The following RPS6KA2 variants were observed in gnomAD, a reference collection of about 807,000 sequenced individuals.
RPS6KA2 encodes the protein ribosomal protein S6 kinase alpha-2.
Under a neutral mutation model 91.8 loss-of-function variants are expected in RPS6KA2, and 42 were observed. That is an observed-to-expected ratio of 0.46 (90% confidence interval 0.36 to 0.59). The LOEUF is 0.59. Among genes scored for constraint, RPS6KA2 ranks in the 20% least tolerant of loss-of-function variants. RPS6KA2 has a pLI of 0.00. For missense variants in RPS6KA2, 798 were observed against 978.5 expected, an observed-to-expected ratio of 0.82 and a Z score of 2.46; for synonymous variants, 414 against 393.6, an observed-to-expected ratio of 1.05 and a Z score of -0.61.
intron 2 of RPS6KA2, among the ~76,000 whole-genome samples, chr6:166,808,938 G>C (rs1779563637): frequency 2.0e-5 from 3 of 152,206 alleles, no homozygotes; most frequent in Admixed American, 6.5e-5. Context: ...AGGGTACAGA[G>C]GCGAGACTTG....
At chr6:166,816,101 AG>A (rs1424405521) in intron 2 of RPS6KA2, among the ~76,000 whole-genome samples, 1 of 152,228 alleles carries the variant, frequency 6.6e-6, no homozygotes, top group African/African-American at 2.4e-5. Context: ...TCTAAAAAGC[AG>A]GTAAGATTAG....
intron 12 of RPS6KA2, among the ~76,000 whole-genome samples, chr6:166,458,103 AC>A (rs1310871794): frequency 6.6e-6 from 1 of 152,058 alleles, no homozygotes; most frequent in Non-Finnish European, 1.5e-5. Context: ...TTAAGGCCCT[AC>A]CCCCAAGTGT....
intron 2 of RPS6KA2, among the ~76,000 whole-genome samples, chr6:166,781,248 AC>A (rs1778761940): frequency 6.6e-6 from 1 of 152,236 alleles, no homozygotes. Context: ...TCACAAAGGA[AC>A]TAGGAACCGC....
intron 2 of RPS6KA2, among the ~76,000 whole-genome samples, chr6:166,775,776 G>A (rs891055646): frequency 7.9e-5 from 12 of 152,370 alleles, no homozygotes; most frequent in African/African-American, 2.6e-4. Context: ...GACACATGAC[G>A]ATGCTGTCGA....
chr6:166,599,955 A>G (rs754110368), intron 1 of RPS6KA2, among the ~76,000 whole-genome samples: 9 of 152,076 alleles, frequency 5.9e-5, no homozygotes, highest in Non-Finnish European at 1.0e-4. Flanking sequence ...GATCCAAGGG[A>G]CACCCAGCCT....
At chr6:166,814,840 C>T (rs2037902) in intron 2 of RPS6KA2, among the ~76,000 whole-genome samples, 94,102 of 152,070 alleles carry the variant, frequency 0.62, 30,746 homozygotes, top group Non-Finnish European at 0.74. Flanking sequence ...AAGCTCAGGG[C>T]TCACATTGAT....
chr6:166,855,073 T>C (rs1203582022), intron 2 of RPS6KA2, among the ~76,000 whole-genome samples: 2 of 152,202 alleles, frequency 1.3e-5, no homozygotes, highest in African/African-American at 4.8e-5. Context: ...GCCATTATCC[T>C]AAGTGAAGTA....
chr6:166,436,538 C>G (rs1779313817), intron 14 of RPS6KA2, among the ~76,000 whole-genome samples: 1 of 152,208 alleles, frequency 6.6e-6, no homozygotes, highest in African/African-American at 2.4e-5. Context: ...GAGGTGCGCC[C>G]TGACAGGGGC....
At chr6:166,440,520 GTTAT>G (rs1779485844) in intron 14 of RPS6KA2, among the ~76,000 whole-genome samples, 1 of 152,190 alleles carries the variant, frequency 6.6e-6, no homozygotes, top group Non-Finnish European at 1.5e-5. Flanking sequence ...TGTTACTGGA[GTTAT>G]TTCTAAACAG....
chr6:166,687,618 T>C (rs933066761), intron 2 of RPS6KA2, among the ~76,000 whole-genome samples: 3 of 152,272 alleles, frequency 2.0e-5, no homozygotes, highest in Admixed American at 1.3e-4. Flanking sequence ...GATGGTTTAC[T>C]GAATTATTTG....
intron 14 of RPS6KA2, among the ~76,000 whole-genome samples, chr6:166,436,215 T>C (rs1223769612): frequency 6.6e-6 from 1 of 152,098 alleles, no homozygotes; most frequent in Non-Finnish European, 1.5e-5. Context: ...GAAATGCTGC[T>C]TTCGGTCCTG....
Position 166,702,621 on chromosome 6 carries a change from C to T in RPS6KA2, c.123+155579G>A, listed in dbSNP as rs1408974322. Reference sequence around the variant, plus strand: ...TCCGAATCCTTTGCCTTTTTGGGACCGAGTGCTCAACTTCTATGGGTTTCC... The same window carrying T: ...TCCGAATCCTTTGCCTTTTTGGGACTGAGTGCTCAACTTCTATGGGTTTCC... On this transcript the variant is annotated intron_variant, in intron 2 of 21. Coordinates refer to the RPS6KA2 transcript ENST00000503859. The T allele has an allele frequency of 3.2e-6, 5 of 1,571,942 alleles. No homozygotes were observed. In the Admixed American group the frequency reaches 6.7e-5, roughly 21 times the overall value.
intron 2 of RPS6KA2, among the ~76,000 whole-genome samples, chr6:166,759,830 C>T (rs1778118239): frequency 6.6e-6 from 1 of 152,226 alleles, no homozygotes; most frequent in Non-Finnish European, 1.5e-5. Flanking sequence ...GAGTCCGTAT[C>T]CTCGCCCAGC....
chr6:166,544,394 G>A (rs765424908), intron 1 of RPS6KA2, among the ~76,000 whole-genome samples: 32 of 152,146 alleles, frequency 2.1e-4, no homozygotes, highest in Non-Finnish European at 3.8e-4. Flanking sequence ...CTCCATCTGC[G>A]GCACGACTCC....
chr6:166,597,680 GC>G lies in RPS6KA2; in HGVS notation c.99+29240del, dbSNP rs530864838. Reference sequence around the variant, plus strand: ...CAGCTCTAATAGACACTGTAGGCAAGCCAAAATTTTCATGAATTTTTCATGG... The same window carrying G: ...CAGCTCTAATAGACACTGTAGGCAAGCAAAATTTTCATGAATTTTTCATGG... On this transcript the variant is annotated intron_variant, in intron 1 of 20. Transcript: ENST00000265678. Among the ~76,000 whole-genome samples the G allele has an allele frequency of 1.9e-3, 287 of 152,338 alleles. 1 individual carries two copies. Among genetic ancestry groups the G allele is most frequent in the Admixed American group, 3.5e-3 (53 of 15,302 alleles).
intron 2 of RPS6KA2, among the ~76,000 whole-genome samples, chr6:166,757,073 TA>T (rs999261188): frequency 3.3e-5 from 5 of 151,798 alleles, no homozygotes; most frequent in Non-Finnish European, 5.9e-5. Context: ...CACCATCACA[TA>T]AAAAAAAGCA....
chr6:166,784,835 T>A (rs2128611969), intron 2 of RPS6KA2, among the ~76,000 whole-genome samples: 1 of 152,196 alleles, frequency 6.6e-6, no homozygotes, highest in African/African-American at 2.4e-5. Flanking sequence ...GGAAGCATTC[T>A]ACCGAGTAAA....
At chr6:166,762,061 C>G (rs561943872) in intron 2 of RPS6KA2, among the ~76,000 whole-genome samples, 1 of 152,178 alleles carries the variant, frequency 6.6e-6, no homozygotes, top group Non-Finnish European at 1.5e-5. Flanking sequence ...GGCTCTATCA[C>G]GTGGAGGCCC....
At chr6:166,568,955 C>A (rs1554291731) in intron 1 of RPS6KA2, among the ~76,000 whole-genome samples, 1 of 152,032 alleles carries the variant, frequency 6.6e-6, no homozygotes, top group Non-Finnish European at 1.5e-5. Context: ...TGAACAAGTA[C>A]TTTTTTTTCC....
Sources: allele counts gnomAD v4.1 joint callset (sites outside exome capture counted in the v4.1 genomes callset), GRCh38; gene constraint gnomAD v4.1.1; transcripts MANE v1.5; gene names NCBI Gene and HGNC (gene_info 2026-07-23, HGNC 2026-07-21).